Variants in XRCC4 observed in about 807,000 individuals in gnomAD.
XRCC4 encodes the protein DNA repair protein XRCC4.
Under a neutral mutation model 39.1 loss-of-function variants are expected in XRCC4, and 28 were observed. The ratio of observed to expected loss-of-function variants is 0.72; its 90% CI spans 0.53 to 0.98. XRCC4 has a LOEUF of 0.98. Among genes scored for constraint, XRCC4 ranks in the 50% least tolerant of loss-of-function variants. The probability of loss-of-function intolerance (pLI) is 0.00; values close to 1 mark genes in which losing one functional copy is unlikely to be tolerated. For synonymous variants in XRCC4, 123 were observed against 126.4 expected, an observed-to-expected ratio of 0.97 and a Z score of 0.18; for missense variants, 350 against 376.4, an observed-to-expected ratio of 0.93 and a Z score of 0.58.
intron 7 of XRCC4, among the ~76,000 whole-genome samples, chr5:83,330,040 A>T (rs73140216): frequency 0.022 from 3,380 of 152,184 alleles, 123 homozygotes; most frequent in African/African-American, 0.077. Flanking sequence ...CAGAAGTAAC[A>T]CGGGCATCAT....
At chr5:83,365,609 C>G in the XRCC4 span, among the ~76,000 whole-genome samples, 1 of 152,130 alleles carries the variant, frequency 6.6e-6, no homozygotes, top group African/African-American at 2.4e-5. Context: ...CTTTCATTTT[C>G]AGAGATACCA....
chr5:83,128,566 T>A (rs1747394836), intron 3 of XRCC4, among the ~76,000 whole-genome samples: 1 of 152,202 alleles, frequency 6.6e-6, no homozygotes, highest in Non-Finnish European at 1.5e-5. Flanking sequence ...TCCACAATGG[T>A]TGAACTAGTT....
intron 3 of XRCC4, among the ~76,000 whole-genome samples, chr5:83,114,260 G>T (rs1273575800): frequency 6.6e-6 from 1 of 152,146 alleles, no homozygotes; most frequent in East Asian, 1.9e-4. Flanking sequence ...CCATTGTCTT[G>T]GTGATTAACA....
At chr5:83,237,680 CTG>C (rs1752742358) in intron 6 of XRCC4, among the ~76,000 whole-genome samples, 1 of 151,964 alleles carries the variant, frequency 6.6e-6, no homozygotes, top group African/African-American at 2.4e-5. Flanking sequence ...AACAGATAAA[CTG>C]TAGTTAGGAA....
chr5:83,188,276 G>T (rs1750543313), intron 3 of XRCC4, among the ~76,000 whole-genome samples: 1 of 152,100 alleles, frequency 6.6e-6, no homozygotes, highest in African/African-American at 2.4e-5. Flanking sequence ...TGGCACAGTT[G>T]AGTTCCTTGT....
intron 7 of XRCC4, among the ~76,000 whole-genome samples, chr5:83,343,400 A>G (rs1387045772): frequency 6.6e-6 from 1 of 152,170 alleles, no homozygotes; most frequent in Non-Finnish European, 1.5e-5. Context: ...AAAAGAAAAC[A>G]TCGCCTGTTC....
chr5:83,358,971 T>TTGGGATAGTTAGTTA, the XRCC4 span, among the ~76,000 whole-genome samples: 1 of 152,278 alleles, frequency 6.6e-6, no homozygotes, highest in Admixed American at 6.5e-5. Flanking sequence ...ACCAGGATCT[T>TTGGGATAGTTAGTTA]CCAAGGAACC....
rs781091582 is a variant in XRCC4, at chr5:83,195,790, C to T, written c.336C>T (p.Asn112=). ...KDVSFRLGSF[N]LEKVENPAEV... ...TTTAGTTCAGACTTGGTTCCTTCAA[C>T]CTAGAGAAAGTTGAAAACCCAGCTG... Residue 112 remains asparagine, a synonymous_variant, in exon 4 of 8, where the codon AAC becomes AAT. Transcript: ENST00000396027. The T allele has an allele frequency of 2.5e-5, 40 of 1,596,650 alleles. No homozygotes were observed. Among genetic ancestry groups the T allele is most frequent in the Non-Finnish European group, 3.2e-5 (37 of 1,170,088 alleles).
At chr5:83,367,503 C>T in the XRCC4 span, among the ~76,000 whole-genome samples, 8 of 152,284 alleles carry the variant, frequency 5.3e-5, no homozygotes, top group Admixed American at 2.0e-4. Context: ...GCTCCTTGCA[C>T]GGGCCACTCT....
intron 3 of XRCC4, among the ~76,000 whole-genome samples, chr5:83,131,773 T>C (rs1421930676): frequency 5.3e-5 from 8 of 152,108 alleles, no homozygotes; most frequent in African/African-American, 1.9e-4. Context: ...CCTATGTGTG[T>C]CTCTGCACAT....
chr5:83,100,867 G>C (rs1274896874), intron 1 of XRCC4, among the ~76,000 whole-genome samples: 1 of 152,010 alleles, frequency 6.6e-6, no homozygotes, highest in Non-Finnish European at 1.5e-5. Context: ...GTAATTTACT[G>C]CACATTAAAT....
intron 7 of XRCC4, among the ~76,000 whole-genome samples, chr5:83,335,454 CA>C (rs1024932459): frequency 6.6e-6 from 1 of 151,752 alleles, no homozygotes; most frequent in Non-Finnish European, 1.5e-5. Flanking sequence ...TCTACAAATA[CA>C]AAAAAGCCTT....
intron 3 of XRCC4, among the ~76,000 whole-genome samples, chr5:83,153,240 G>C (rs1263647377): frequency 7.1e-6 from 1 of 141,410 alleles, no homozygotes; most frequent in Non-Finnish European, 1.5e-5. Flanking sequence ...ACAGAGTCTT[G>C]CTCTGTCACT....
chr5:83,080,727 G>A lies in XRCC4; in HGVS notation c.-11+3112G>A, dbSNP rs139206881. 1.5e-4 allele frequency among the ~76,000 whole-genome samples: 23 copies of A among 152,186 alleles called. No individual in the cohort carries two copies. In the East Asian group the frequency reaches 3.5e-3, roughly 23 times the overall value. The stretch of plus-strand genomic sequence containing the variant: ...ATTGATGGAGGTGGTATCACAGTGC[G>A]TGTGTTCTAGGAATACTTATTTTAC... On this transcript the variant is annotated intron_variant, in intron 1 of 7. Transcript: ENST00000396027.
At chr5:83,287,293 A>G (rs1754768672) in intron 7 of XRCC4, among the ~76,000 whole-genome samples, 1 of 152,094 alleles carries the variant, frequency 6.6e-6, no homozygotes, top group East Asian at 1.9e-4. Context: ...TCTTTTGTAC[A>G]AAATCATTGG....
chr5:83,121,791 AC>A (rs1473179118), intron 3 of XRCC4, among the ~76,000 whole-genome samples: 1 of 152,156 alleles, frequency 6.6e-6, no homozygotes, highest in African/African-American at 2.4e-5. Flanking sequence ...TTGCAGACTT[AC>A]GCTTTCATGC....
intron 3 of XRCC4, among the ~76,000 whole-genome samples, chr5:83,121,630 C>G (rs1375290333): frequency 6.6e-6 from 1 of 152,134 alleles, no homozygotes; most frequent in Non-Finnish European, 1.5e-5. Flanking sequence ...TTTTGAAGAA[C>G]TCTTCATATC....
At chr5:83,279,460 A>G (rs923307244) in intron 7 of XRCC4, among the ~76,000 whole-genome samples, 1 of 152,214 alleles carries the variant, frequency 6.6e-6, no homozygotes, top group African/African-American at 2.4e-5. Context: ...AACCTTCATT[A>G]ACAGTGTTTT....
Position 83,275,686 on chromosome 5 carries a change from A to G in XRCC4, c.893+17009A>G, listed in dbSNP as rs528180422. ...TTCCTGCGACAAATGAGGTATGGAG[A>G]TAAAGATTGGAGAGTCCTAGACATT... On this transcript the variant is annotated intron_variant, in intron 7 of 7. Coordinates refer to ENST00000396027, the MANE Select transcript of XRCC4 (RefSeq NM_003401.5). Among the ~76,000 whole-genome samples the G allele has an allele frequency of 2.0e-5, 3 of 152,304 alleles. No individual in the cohort carries two copies. The South Asian group carries it at 6.2e-4, about 32-fold the overall frequency.
Sources: allele counts gnomAD v4.1 joint callset (sites outside exome capture counted in the v4.1 genomes callset), GRCh38; gene constraint gnomAD v4.1.1; transcripts MANE v1.5; gene names NCBI Gene and HGNC (gene_info 2026-07-23, HGNC 2026-07-21).